CSMD1: variants seen among roughly 807,000 people sequenced by gnomAD.
The protein encoded by CSMD1 is CUB and Sushi multiple domains 1, also known as CUB and sushi domain-containing protein 1.
A neutral mutation model predicts 417.5 loss-of-function variants in CSMD1; 213 were observed. That is an observed-to-expected ratio of 0.51 (90% CI 0.46 to 0.57). The LOEUF is 0.57. CSMD1 is among the 20% of genes least tolerant of loss of function. The pLI, the probability that CSMD1 is intolerant of heterozygous loss-of-function variation, is 0.00. For synonymous variants in CSMD1, 2,862 were observed against 1,736.8 expected (o/e 1.65, Z -16.11); for missense variants, 6,923 against 4,529.7 (o/e 1.53, Z -15.17).
intron 5 of CSMD1, among the ~76,000 whole-genome samples, chr8:3,917,007 G>A (rs2688313): frequency 6.6e-6 from 1 of 151,924 alleles, no homozygotes; most frequent in Non-Finnish European, 1.5e-5. Context: ...GCCCTATGAA[G>A]CATTGTTGAT....
At chr8:4,382,151 C>T (rs1183371261) in intron 3 of CSMD1, among the ~76,000 whole-genome samples, 2 of 152,150 alleles carry the variant, frequency 1.3e-5, no homozygotes, top group African/African-American at 4.8e-5. Context: ...CAAAGCAAAG[C>T]ATGCATTCTT....
intron 37 of CSMD1, among the ~76,000 whole-genome samples, chr8:3,166,578 T>C (rs1386708984): frequency 1.8e-4 from 27 of 152,044 alleles, no homozygotes; most frequent in South Asian, 2.1e-4. Context: ...AATCAACAAG[T>C]CTGCCTTTCC....
intron 33 of CSMD1, among the ~76,000 whole-genome samples, chr8:3,198,395 A>G (rs988615970): frequency 9.8e-5 from 15 of 152,342 alleles, no homozygotes; most frequent in African/African-American, 3.6e-4. Context: ...ATTTATTTGA[A>G]AAAATTAGAA....
chr8:4,328,702 T>C (rs567736074), intron 3 of CSMD1, among the ~76,000 whole-genome samples: 4 of 152,350 alleles, frequency 2.6e-5, no homozygotes, highest in African/African-American at 7.2e-5. Context: ...GGAAGTGCTT[T>C]ATTAGCTATA....
chr8:4,430,780 C>G (rs1301847672), intron 2 of CSMD1, among the ~76,000 whole-genome samples: 1 of 152,148 alleles, frequency 6.6e-6, no homozygotes, highest in Non-Finnish European at 1.5e-5. Flanking sequence ...AAACCATTTA[C>G]AAATGACATT....
At chr8:3,351,197 T>A (rs1205190403) in intron 21 of CSMD1, among the ~76,000 whole-genome samples, 1 of 152,234 alleles carries the variant, frequency 6.6e-6, no homozygotes, top group Non-Finnish European at 1.5e-5. Flanking sequence ...TGAATATACA[T>A]GACCAAAACA....
chr8:4,722,825 C>A (rs916402939), intron 1 of CSMD1, among the ~76,000 whole-genome samples: 8 of 152,106 alleles, frequency 5.3e-5, no homozygotes, highest in Admixed American at 5.2e-4. Flanking sequence ...TTAACAAAGT[C>A]ATAAATACTA....
At chr8:3,746,674 G>C (rs1584937876) in intron 6 of CSMD1, among the ~76,000 whole-genome samples, 1 of 152,086 alleles carries the variant, frequency 6.6e-6, no homozygotes, top group Non-Finnish European at 1.5e-5. Flanking sequence ...ACATTAGTAA[G>C]AAATTATCCC....
chr8:4,883,374 A>G (rs1803535694), intron 1 of CSMD1, among the ~76,000 whole-genome samples: 1 of 152,092 alleles, frequency 6.6e-6, no homozygotes. Flanking sequence ...ATTTTAAATA[A>G]TACGTTTCAG....
intron 1 of CSMD1, among the ~76,000 whole-genome samples, chr8:4,804,889 A>C (rs1336400321): frequency 1.3e-5 from 2 of 152,322 alleles, no homozygotes; most frequent in African/African-American, 4.8e-5. Flanking sequence ...CCTTCTCTAC[A>C]TATGCTTCCC....
chr8:3,455,787 G>A (rs1015507189), intron 12 of CSMD1, among the ~76,000 whole-genome samples: 4 of 152,238 alleles, frequency 2.6e-5, no homozygotes, highest in Admixed American at 2.6e-4. Flanking sequence ...CAGTCTGTCT[G>A]TTCTCAGATC....
rs778520309 is a variant in CSMD1 at position 3,367,245 on chromosome 8, C to T, written c.2902G>A (p.Val968Ile). The change falls in exon 20 of 70, where the codon GTT becomes ATT. Residue 968 changes from valine (V) to isoleucine (I), a missense_variant and splice_region_variant. Coordinates refer to ENST00000635120, the MANE Select transcript of CSMD1 (RefSeq NM_033225.6). Reference sequence around the variant, plus strand: ...TGAAAGGTGTGAAAGATCATTTGAACTCCTGAGAAATGAAGCCGGGGGAGA... The same window carrying T: ...TGAAAGGTGTGAAAGATCATTTGAATTCCTGAGAAATGAAGCCGGGGGAGA... ...WTIEVSHGKG[V>I]QMIFHTFHLE... 7 of 1,607,376 alleles carry T rather than the reference C, an allele frequency of 4.4e-6. No individual in the cohort carries two copies. Among genetic ancestry groups the T allele is most frequent in the Non-Finnish European group, 6.0e-6 (7 of 1,176,158 alleles).
Position 3,087,134 on chromosome 8 carries a change from G to A in CSMD1, c.7437C>T (p.Gly2479=), listed in dbSNP as rs372789872. 42 of 1,613,612 alleles carry A rather than the reference G, an allele frequency of 2.6e-5. No homozygotes were observed. The highest frequency in any genetic ancestry group is 7.7e-5 in the South Asian group (7 of 91,062). The change falls in exon 49 of 70, where the codon GGC becomes GGT. Residue 2479 remains glycine (G), a synonymous_variant. Coordinates refer to ENST00000635120, the MANE Select transcript of CSMD1 (RefSeq NM_033225.6). The part of the protein sequence containing the change: ...SNATCRRNPL[G]MYQWDSLTPL... ...GCGTGAGGGAGTCCCACTGGTACAT[G>A]CCAAGTGGGTTTCGTCTACAGGTTG...
intron 5 of CSMD1, among the ~76,000 whole-genome samples, chr8:3,899,073 A>G (rs1213402791): frequency 6.6e-6 from 1 of 152,210 alleles, no homozygotes; most frequent in Non-Finnish European, 1.5e-5. Flanking sequence ...AATGAGGAAT[A>G]AATAGAGAAG....
chr8:4,161,295 A>G (rs1443647097), intron 3 of CSMD1, among the ~76,000 whole-genome samples: 2 of 152,214 alleles, frequency 1.3e-5, no homozygotes, highest in Admixed American at 6.5e-5. Context: ...CCAGCTACAC[A>G]TAATTGATAA....
At chr8:3,549,213 A>C (rs1014463946) in intron 10 of CSMD1, among the ~76,000 whole-genome samples, 1 of 152,322 alleles carries the variant, frequency 6.6e-6, no homozygotes, top group East Asian at 1.9e-4. Flanking sequence ...GTAAAGCCTC[A>C]TAAGCATGGT....
chr8:4,803,332 G>A (rs67623182), intron 1 of CSMD1, among the ~76,000 whole-genome samples: 8,130 of 152,138 alleles, frequency 0.053, 268 homozygotes, highest in African/African-American at 0.083. Flanking sequence ...ATGGAAATAA[G>A]CCTTCGAAAT....
chr8:3,496,963 G>C lies in CSMD1; in HGVS notation c.1345-3237C>G, dbSNP rs111924876. On this transcript the variant is annotated intron_variant, in intron 10 of 69. Transcript: ENST00000635120. Reference sequence around the variant, plus strand: ...TCGTACAATTTTGAAAGTTTCTCTTGTTATTTATTTCTAATTTTATCTGTT... The same window carrying C: ...TCGTACAATTTTGAAAGTTTCTCTTCTTATTTATTTCTAATTTTATCTGTT... Among the ~76,000 whole-genome samples the C allele has an allele frequency of 2.5e-4, 38 of 150,356 alleles. 1 individual carries two copies. In the East Asian group the frequency reaches 2.7e-3, roughly 11 times the overall value.
At chr8:4,458,528 G>C (rs143165875) in intron 2 of CSMD1, among the ~76,000 whole-genome samples, 28 of 152,016 alleles carry the variant, frequency 1.8e-4, no homozygotes, top group African/African-American at 6.8e-4. Context: ...GTGTGAAAGA[G>C]GTATGTATTT....
Sources: gnomAD v4.1 joint callset for allele counts (sites outside exome capture counted in the v4.1 genomes callset) on GRCh38, gnomAD v4.1.1 for gene constraint, MANE v1.5 for transcripts, NCBI Gene and HGNC (gene_info 2026-07-23, HGNC 2026-07-21) for gene names.